Variants in TECTA observed in about 807,000 individuals in gnomAD.
TECTA encodes tectorin alpha.
Under a neutral mutation model 216.8 loss-of-function variants are expected in TECTA, and 128 were observed. The ratio of observed to expected loss-of-function variants is 0.59; its 90% CI spans 0.51 to 0.68. The LOEUF (loss-of-function observed/expected upper bound fraction) is 0.68, where lower values mean the gene tolerates loss of function less well. Ranked by LOEUF, TECTA falls within the 30% of genes least tolerant of loss-of-function variation. The pLI is 0.00. For missense variants in TECTA, 2,551 were observed against 2,786.2 expected, an observed-to-expected ratio of 0.92 and a Z score of 1.90; for synonymous variants, 1,089 against 1,117.1, an observed-to-expected ratio of 0.97 and a Z score of 0.50.
chr11:121,160,007 G>T, intron 14 of TECTA, 128 bp from the exon 15 acceptor site: 8 of 1,001,570 alleles, frequency 8.0e-6, no homozygotes, highest in Non-Finnish European at 1.2e-5. Context: ...TGCAGGGACA[G>T]AATGGAGTCG....
intron 3 of TECTA, among the ~76,000 whole-genome samples, chr11:121,108,961 G>T (rs1000630041): frequency 5.9e-5 from 9 of 152,156 alleles, no homozygotes; most frequent in African/African-American, 1.9e-4. Flanking sequence ...TAGGGAACAT[G>T]AAAATGAGAC....
intron 11 of TECTA, among the ~76,000 whole-genome samples, chr11:121,143,520 T>C (rs527715779): frequency 1.3e-5 from 2 of 152,208 alleles, no homozygotes; most frequent in Non-Finnish European, 2.9e-5. Context: ...TTTACCTCTA[T>C]CTTTGCTTTT....
intron 10 of TECTA, among the ~76,000 whole-genome samples, chr11:121,136,688 T>C (rs12274741): frequency 0.022 from 3,270 of 151,894 alleles, 109 homozygotes; most frequent in African/African-American, 0.074. Context: ...TGAAATAACA[T>C]CCCAAAGTTA....
chr11:121,129,543 A>G, intron 9 of TECTA, 95 bp from the exon 10 acceptor site: 1 of 1,293,844 alleles, frequency 7.7e-7, no homozygotes, highest in Non-Finnish European at 1.1e-6. Flanking sequence ...TCAAAAGGCT[A>G]GCAATAGGGC....
Position 121,109,245 on chromosome 11 carries a change from T to C in TECTA, c.233T>C (p.Leu78Pro). ...AACGGAGTTGTTTCCTTCAATGTGC[T>C]AGTGAGCCAGTTCACGCCAGAATCC... ...NNNGVVSFNV[L>P]VSQFTPESFP... Residue 78 changes from leucine to proline, a missense_variant, in exon 4 of 24, where the codon CTA (leucine) becomes CCA (proline). Physicochemically the swap from Leu to Pro is moderately conservative, Grantham distance 98. Coordinates refer to ENST00000392793, the MANE Select transcript of TECTA (RefSeq NM_005422.4). 1 of 1,614,178 alleles carries C rather than the reference T, an allele frequency of 6.2e-7. No individual in the cohort carries two copies. Among genetic ancestry groups the C allele is most frequent in the Non-Finnish European group, 8.5e-7 (1 of 1,180,024 alleles).
Position 121,129,650 on chromosome 11 carries a change from G to A in TECTA, c.2380G>A (p.Glu794Lys). ...GASEVKLNGQ[E>K]VELPFFHPSG... The stretch of plus-strand genomic sequence containing the variant: ...CTTGATTTTTCAGTTGAATGGTCAG[G>A]AAGTGGAATTGCCTTTTTTCCATCC... Residue 794 changes from glutamate to lysine, a missense_variant, in exon 10 of 24, where the codon GAA (glutamate) becomes AAA (lysine). Coordinates refer to ENST00000392793, the MANE Select transcript of TECTA (RefSeq NM_005422.4). The A allele has an allele frequency of 6.2e-7, 1 of 1,614,202 alleles. No homozygotes were observed. Among genetic ancestry groups the A allele is most frequent in the Non-Finnish European group, 8.5e-7 (1 of 1,180,032 alleles).
rs143255705 is a variant in TECTA, at chr11:121,131,750, C to A, written c.2941+1539C>A. Among the ~76,000 whole-genome samples, 295 of 152,288 alleles carry A rather than the reference C, an allele frequency of 1.9e-3. 2 individuals carry two copies. Among genetic ancestry groups the A allele is most frequent in the African/African-American group, 6.7e-3 (278 of 41,578 alleles). ...CAGTCTTTGACTTTCATTGTCTTAG[C>A]GTTCTTGAAGAGTACAGGCCAGTTA... On this transcript the variant is annotated intron_variant, in intron 10 of 23. Transcript: ENST00000392793.
chr11:121,179,849 T>C (rs1947207346), intron 20 of TECTA, among the ~76,000 whole-genome samples: 1 of 152,162 alleles, frequency 6.6e-6, no homozygotes, highest in Admixed American at 6.5e-5. Flanking sequence ...TCCTGCTTGC[T>C]TTTGGTTTTG....
intron 13 of TECTA, among the ~76,000 whole-genome samples, chr11:121,155,898 T>C (rs556917777): frequency 3.3e-5 from 5 of 152,248 alleles, no homozygotes; most frequent in African/African-American, 1.2e-4. Context: ...GCTGCCTGTT[T>C]TGGGAAAAAG....
chr11:121,182,594 C>A (rs1487265034), intron 20 of TECTA, among the ~76,000 whole-genome samples: 1 of 152,118 alleles, frequency 6.6e-6, no homozygotes, highest in East Asian at 1.9e-4. Context: ...GATCCCCAAG[C>A]CCCCGATGGT....
chr11:121,119,155 A>G (rs1217279724), intron 7 of TECTA, among the ~76,000 whole-genome samples: 2 of 152,092 alleles, frequency 1.3e-5, no homozygotes. Flanking sequence ...AATTCACTAC[A>G]GCCTTTGATT....
At chr11:121,184,399 G>A (rs1220200215) in intron 20 of TECTA, among the ~76,000 whole-genome samples, 1 of 152,184 alleles carries the variant, frequency 6.6e-6, no homozygotes, top group African/African-American at 2.4e-5. Context: ...CTCCAGTGCA[G>A]GGAATCCCAG....
chr11:121,170,399 T>A (rs1402161973), intron 20 of TECTA, among the ~76,000 whole-genome samples: 2 of 151,960 alleles, frequency 1.3e-5, no homozygotes, highest in Non-Finnish European at 2.9e-5. Flanking sequence ...CATGTGGGAG[T>A]TCTATTTTTA....
intron 1 of TECTA, 143 bp from the exon 2 acceptor site, chr11:121,102,522 C>T (rs959952665): frequency 2.6e-5 from 18 of 691,612 alleles, no homozygotes; most frequent in East Asian, 2.2e-4. Flanking sequence ...GATTTCAGCC[C>T]GACTCAGCAC....
rs1565519759 is a variant in TECTA at position 121,118,510 on chromosome 11, CTT to C, written c.998_999del (p.Phe333Ter). 6.2e-7 allele frequency: 1 copy of C among 1,614,204 alleles called. No homozygotes were observed. Among genetic ancestry groups the C allele is most frequent in the South Asian group, 1.1e-5 (1 of 91,086 alleles). The stretch of plus-strand genomic sequence containing the variant: ...GTGTTTGGGGAGCCACACTACCACA[CTT>C]TTGACGGCTTCCTCTTCCACTTCCA... On this transcript the variant is annotated frameshift_variant, in exon 7 of 24. Coordinates refer to ENST00000392793, the MANE Select transcript of TECTA (RefSeq NM_005422.4). LOFTEE classifies it high-confidence loss of function.
At chr11:121,149,448 T>C (rs1332224026) in intron 12 of TECTA, among the ~76,000 whole-genome samples, 2 of 152,232 alleles carry the variant, frequency 1.3e-5, no homozygotes, top group African/African-American at 2.4e-5. Flanking sequence ...CAACTATTAC[T>C]ACTGTGAATT....
chr11:121,172,083 T>G (rs949957986), intron 20 of TECTA, among the ~76,000 whole-genome samples: 1 of 152,212 alleles, frequency 6.6e-6, no homozygotes, highest in South Asian at 2.1e-4. Flanking sequence ...CTGTGCCTAA[T>G]TTTTTGAGAA....
chr11:121,166,505 G>A (rs1947054287), intron 17 of TECTA, 73 bp from the exon 18 acceptor site: 2 of 1,488,816 alleles, frequency 1.3e-6, no homozygotes, highest in African/African-American at 1.4e-5. Flanking sequence ...GAATGGAAAT[G>A]GGATGCTTTG....
intron 22 of TECTA, among the ~76,000 whole-genome samples, chr11:121,189,435 G>A (rs1006413171): frequency 2.0e-5 from 3 of 151,240 alleles, no homozygotes; most frequent in Admixed American, 6.6e-5. Context: ...GAGCGGTGGC[G>A]CAATCTTGGC....
Sources: gnomAD v4.1 joint callset for allele counts (sites outside exome capture counted in the v4.1 genomes callset) on GRCh38, gnomAD v4.1.1 for gene constraint, MANE v1.5 for transcripts, NCBI Gene and HGNC (gene_info 2026-07-23, HGNC 2026-07-21) for gene names.